The following TPH2 variants were observed in gnomAD, a reference collection of about 807,000 sequenced individuals.
TPH2 encodes tryptophan 5-hydroxylase 2.
A neutral mutation model predicts 59.1 loss-of-function variants in TPH2; 27 were observed. The ratio of observed to expected loss-of-function variants is 0.46; its 90% confidence interval spans 0.34 to 0.63. TPH2 has a LOEUF of 0.63. Ranked by LOEUF, TPH2 falls within the 30% of genes least tolerant of loss-of-function variation. The probability of loss-of-function intolerance (pLI) is 0.01; values close to 1 mark genes in which losing one functional copy is unlikely to be tolerated. For missense variants in TPH2, 523 were observed against 588.3 expected, an observed-to-expected ratio of 0.89 and a Z score of 1.15; for synonymous variants, 220 against 210.5, an observed-to-expected ratio of 1.05 and a Z score of -0.39.
chr12:72,015,029 C>T (rs549786970), intron 8 of TPH2, among the ~76,000 whole-genome samples: 6 of 152,150 alleles, frequency 3.9e-5, no homozygotes, highest in African/African-American at 1.4e-4. Flanking sequence ...TTGTCATTTG[C>T]AATTTAATCA....
At chr12:71,956,815 G>A (rs1006107058) in intron 5 of TPH2, among the ~76,000 whole-genome samples, 3 of 152,032 alleles carry the variant, frequency 2.0e-5, no homozygotes, top group Non-Finnish European at 4.4e-5. Context: ...TCCCCGTGTT[G>A]CCCAGGCTGG....
rs57532900 is a variant in TPH2 at position 72,021,356 on chromosome 12, A to AGTGT, written c.1069-1006_1069-1003dup. 4.9e-3 allele frequency among the ~76,000 whole-genome samples: 697 copies of AGTGT among 143,410 alleles called. 8 individuals carry two copies. Among genetic ancestry groups the AGTGT allele is most frequent in the African/African-American group, 0.012 (462 of 38,274 alleles). 94.1% of individuals were successfully genotyped at this position (143,410 alleles called of 152,430 possible). Reference sequence around the variant, plus strand: ...ATGCTGATAAAACTTGGGCCAATAAAGTGTGTGTGTGTGTGTGTGTGTGTG... The same window carrying AGTGT: ...ATGCTGATAAAACTTGGGCCAATAAAGTGTGTGTGTGTGTGTGTGTGTGTGTGTG... On this transcript the variant is annotated intron_variant, in intron 8 of 10. Coordinates refer to ENST00000333850, the MANE Select transcript of TPH2 (RefSeq NM_173353.4).
chr12:72,007,192 G>T (rs140898684), intron 8 of TPH2, among the ~76,000 whole-genome samples: 2 of 151,354 alleles, frequency 1.3e-5, no homozygotes, highest in African/African-American at 4.8e-5. Context: ...CCTCCCCTAA[G>T]AGATGTCGAG....
chr12:71,990,769 C>T (rs1872563506), intron 7 of TPH2, among the ~76,000 whole-genome samples: 1 of 152,218 alleles, frequency 6.6e-6, no homozygotes, highest in Non-Finnish European at 1.5e-5. Flanking sequence ...GCTATGTCCA[C>T]ACTTTGTTCA....
At chr12:71,943,191 A>T (rs544670883) in intron 2 of TPH2, among the ~76,000 whole-genome samples, 1 of 152,218 alleles carries the variant, frequency 6.6e-6, no homozygotes, top group Non-Finnish European at 1.5e-5. Flanking sequence ...CAGAAATAGG[A>T]CATTTAGTTT....
Position 72,023,602 on chromosome 12 carries a change from G to A in TPH2, c.1164+1108G>A, listed in dbSNP as rs1592416749. 3.3e-5 allele frequency among the ~76,000 whole-genome samples: 5 copies of A among 152,092 alleles called. 1 individual carries two copies. Among genetic ancestry groups the A allele is most frequent in the Admixed American group, 3.3e-4 (5 of 15,274 alleles). The stretch of plus-strand genomic sequence containing the variant: ...CCCAGCACTTTGGGAGGCTGAGGTG[G>A]GCGGATCACCTGAGGTCAGGAGTTC... On this transcript the variant is annotated intron_variant, in intron 9 of 10. Transcript: ENST00000333850.
At chr12:71,969,496 C>T (rs1270534993) in intron 5 of TPH2, among the ~76,000 whole-genome samples, 7 of 152,076 alleles carry the variant, frequency 4.6e-5, no homozygotes, top group African/African-American at 1.7e-4. Flanking sequence ...AATGTGAGTG[C>T]CCTGCATTCC....
intron 8 of TPH2, among the ~76,000 whole-genome samples, chr12:71,995,631 A>T (rs1872675576): frequency 1.3e-5 from 2 of 152,156 alleles, no homozygotes; most frequent in African/African-American, 4.8e-5. Context: ...AATGGCAAGG[A>T]CCTCTGGGGT....
chr12:71,979,373 A>G (rs1412636902), intron 7 of TPH2, among the ~76,000 whole-genome samples: 1 of 152,218 alleles, frequency 6.6e-6, no homozygotes, highest in Non-Finnish European at 1.5e-5. Flanking sequence ...GAGAAGGCAC[A>G]GAAGTGTAAA....
intron 8 of TPH2, among the ~76,000 whole-genome samples, chr12:72,010,879 T>C (rs966489600): frequency 1.3e-5 from 2 of 152,212 alleles, no homozygotes; most frequent in East Asian, 1.9e-4. Context: ...AAAGGATGAA[T>C]GGCTGAGAGT....
chr12:71,964,313 G>A lies in TPH2; in HGVS notation c.609-8206G>A, dbSNP rs1398135538. ...TATAGTTGTTTTGTTTTGAGATGGG[G>A]TCTCTGTCGTCCAGGCTGAGGTACA... On this transcript the variant is annotated intron_variant, in intron 5 of 10. Transcript: ENST00000333850. The A allele has an allele frequency of 8.0e-5, 4 of 49,752 alleles. 1 individual carries two copies. The highest frequency in any genetic ancestry group is 1.5e-4 in the Non-Finnish European group (3 of 20,042). 3.1% of individuals were successfully genotyped at this position (49,752 alleles called of 1,614,324 possible).
intron 6 of TPH2, among the ~76,000 whole-genome samples, chr12:71,975,493 C>T (rs912873171): frequency 2.6e-5 from 4 of 152,186 alleles, no homozygotes; most frequent in African/African-American, 9.7e-5. Context: ...CAATGTGAGG[C>T]CCTGACCCAG....
rs41265613 is a variant in TPH2, at chr12:71,938,998, AATG to A, written c.19_21del (p.Met7del). On this transcript the variant is annotated inframe_deletion, in exon 1 of 11. Transcript: ENST00000333850. ...TTACACCGGGATCCATGCAGCCAGC[AATG>A]ATGATGTTTTCCAGTAAATACTGGG... The A allele has an allele frequency of 3.7e-6, 6 of 1,614,048 alleles. No individual in the cohort carries two copies. Among genetic ancestry groups the A allele is most frequent in the East Asian group, 2.2e-5 (1 of 44,876 alleles).
chr12:71,964,439 T>C (rs768312149), intron 5 of TPH2: 9 of 924,560 alleles, frequency 9.7e-6, no homozygotes, highest in Non-Finnish European at 1.2e-5. Flanking sequence ...CACGCCACCA[T>C]GCCCGGTTAA....
chr12:71,980,967 A>G (rs527620193), intron 7 of TPH2, among the ~76,000 whole-genome samples: 1 of 152,220 alleles, frequency 6.6e-6, no homozygotes. Context: ...ACATTCTGGC[A>G]GCAGAGATAG....
At position 71,944,549 on chromosome 12, in the gene TPH2, T is replaced by C. The variant is rs376394000; in HGVS notation, c.440-37T>C. On this transcript the variant is annotated intron_variant, in intron 3 of 10. Transcript: ENST00000333850. ...ATTGCAAAGGGGAAAACACAATCTG[T>C]GAACTAATATTTTTGAACCTGCACT... 4.5e-5 allele frequency: 73 copies of C among 1,613,722 alleles called. No homozygotes were observed. In the African/African-American group the frequency reaches 5.7e-4, roughly 13 times the overall value.
chr12:71,962,074 G>A (rs892734730), intron 5 of TPH2: 9 of 1,000,978 alleles, frequency 9.0e-6, no homozygotes, highest in African/African-American at 3.5e-5. Context: ...TAGGGGACTA[G>A]CTGAAAATGC....
At chr12:72,004,857 A>G (rs947030038) in intron 8 of TPH2, among the ~76,000 whole-genome samples, 3 of 152,218 alleles carry the variant, frequency 2.0e-5, no homozygotes, top group Non-Finnish European at 4.4e-5. Flanking sequence ...TTCTAAAGCT[A>G]TTCTTCTGAA....
chr12:72,020,274 T>TA (rs1873373461), intron 8 of TPH2, among the ~76,000 whole-genome samples: 1 of 152,208 alleles, frequency 6.6e-6, no homozygotes, highest in South Asian at 2.1e-4. Flanking sequence ...GTGCTGACTT[T>TA]GGAAAACCTT....
Sources: allele counts gnomAD v4.1 joint callset (sites outside exome capture counted in the v4.1 genomes callset), GRCh38; gene constraint gnomAD v4.1.1; transcripts MANE v1.5; gene names NCBI Gene and HGNC (gene_info 2026-07-23, HGNC 2026-07-21).